The following EPHA6 variants were observed in gnomAD, a reference collection of about 807,000 sequenced individuals.
EPHA6 encodes the protein ephrin type-A receptor 6.
EPHA6 carries 50 observed loss-of-function variants against 112.0 expected under a neutral mutation model. The ratio of observed to expected loss-of-function variants is 0.45; its 90% CI spans 0.36 to 0.56. The LOEUF is 0.56. EPHA6 is among the 20% of genes least tolerant of loss of function. EPHA6 has a pLI of 0.00. For synonymous variants in EPHA6, 529 were observed against 490.7 expected, an observed-to-expected ratio of 1.08 and a Z score of -1.03; for missense variants, 1,280 against 1,417.4, an observed-to-expected ratio of 0.90 and a Z score of 1.56.
At chr3:97,440,999 A>C (rs570053607) in intron 6 of EPHA6, among the ~76,000 whole-genome samples, 1 of 152,162 alleles carries the variant, frequency 6.6e-6, no homozygotes, top group African/African-American at 2.4e-5. Context: ...TTTAAATGAT[A>C]GTCAAGTGTG....
chr3:97,144,076 T>C (rs2075978027), intron 3 of EPHA6, among the ~76,000 whole-genome samples: 1 of 151,706 alleles, frequency 6.6e-6, no homozygotes, highest in East Asian at 1.9e-4. Flanking sequence ...TTATCAAGCA[T>C]TTGTGTATAA....
At chr3:97,149,219 C>T (rs1051067814) in intron 3 of EPHA6, among the ~76,000 whole-genome samples, 1 of 152,064 alleles carries the variant, frequency 6.6e-6, no homozygotes, top group Non-Finnish European at 1.5e-5. Flanking sequence ...TATTTTCATG[C>T]AGATACCTAG....
intron 2 of EPHA6, among the ~76,000 whole-genome samples, chr3:96,902,012 A>G (rs1229784796): frequency 6.6e-6 from 1 of 152,190 alleles, no homozygotes; most frequent in African/African-American, 2.4e-5. Context: ...GGCTTACTAC[A>G]GAGGATGGGG....
At position 96,935,693 on chromosome 3, in the gene EPHA6, A is replaced by G. The variant is rs537412686; in HGVS notation, c.451-51637A>G. ...TGCCTTAAACATTATATATACACAC[A>G]TTATGTATATTATATATACATTATA... On this transcript the variant is annotated intron_variant, in intron 2 of 17. Coordinates refer to ENST00000389672, the MANE Select transcript of EPHA6 (RefSeq NM_001080448.3). Among the ~76,000 whole-genome samples the G allele has an allele frequency of 9.3e-4, 137 of 147,836 alleles. 1 individual carries two copies. The highest frequency in any genetic ancestry group is 2.8e-3 in the African/African-American group (115 of 40,716).
chr3:97,383,721 G>A (rs1292443040), intron 5 of EPHA6, among the ~76,000 whole-genome samples: 1 of 152,080 alleles, frequency 6.6e-6, no homozygotes, highest in African/African-American at 2.4e-5. Context: ...AAGGAAATGT[G>A]CGCAGTATAT....
At chr3:97,012,607 G>GTGTGTA (rs368002096) in intron 3 of EPHA6, among the ~76,000 whole-genome samples, 1,617 of 132,048 alleles carry the variant, frequency 0.012, 20 homozygotes, top group Middle Eastern at 0.027. Flanking sequence ...GTGTGTGTGT[G>GTGTGTA]TATATATATA....
intron 7 of EPHA6, among the ~76,000 whole-genome samples, chr3:97,457,798 G>A (rs182012457): frequency 1.7e-3 from 257 of 152,106 alleles, no homozygotes; most frequent in African/African-American, 5.9e-3. Context: ...CGGGCGCGGT[G>A]GCTCATGCCT....
chr3:97,291,058 G>T (rs2080664058), intron 5 of EPHA6, among the ~76,000 whole-genome samples: 1 of 151,844 alleles, frequency 6.6e-6, no homozygotes, highest in Non-Finnish European at 1.5e-5. Context: ...TGCTTTGGCT[G>T]GCATGTTGTG....
At chr3:97,183,509 T>G (rs1338552034) in intron 3 of EPHA6, among the ~76,000 whole-genome samples, 1 of 152,168 alleles carries the variant, frequency 6.6e-6, no homozygotes, top group African/African-American at 2.4e-5. Context: ...CTATACATTT[T>G]GAAAGTAAAG....
chr3:97,356,336 A>G (rs2084077181), intron 5 of EPHA6, among the ~76,000 whole-genome samples: 1 of 152,200 alleles, frequency 6.6e-6, no homozygotes, highest in Non-Finnish European at 1.5e-5. Context: ...TTACAATGCA[A>G]TATTAATAGA....
At position 96,841,491 on chromosome 3, in the gene EPHA6, T is replaced by C. The variant is rs185137393; in HGVS notation, c.386-25334T>C. Among the ~76,000 whole-genome samples, 1,110 of 152,188 alleles carry C rather than the reference T, an allele frequency of 7.3e-3. 22 individuals are homozygous for C. The highest frequency in any genetic ancestry group is 0.01 in the Middle Eastern group (3 of 294). On this transcript the variant is annotated intron_variant, in intron 1 of 17. Coordinates refer to ENST00000389672, the MANE Select transcript of EPHA6 (RefSeq NM_001080448.3). ...CCGGCTTTGTGGTTGGGAAAGGCCA[T>C]GTGACTAGTTTGTCCAATGAATGTA... is the stretch of plus-strand genomic sequence containing the variant.
intron 9 of EPHA6, chr3:97,481,650 G>A: frequency 4.7e-6 from 2 of 425,886 alleles, no homozygotes; most frequent in Non-Finnish European, 8.8e-6. Flanking sequence ...GAGACGCCCC[G>A]CCCCCTGCCT....
intron 3 of EPHA6, among the ~76,000 whole-genome samples, chr3:97,186,632 C>T (rs1210449736): frequency 1.3e-5 from 2 of 152,120 alleles, no homozygotes; most frequent in South Asian, 2.1e-4. Context: ...AGTTTGTCAA[C>T]CTTTGCTACT....
intron 2 of EPHA6, among the ~76,000 whole-genome samples, chr3:96,873,094 C>T (rs144012222): frequency 1.8e-4 from 28 of 151,986 alleles, no homozygotes; most frequent in East Asian, 1.7e-3. Context: ...ATGGTGAAAC[C>T]CCGTCTTCAC....
In EPHA6 at chr3:97,506,489, C is replaced by A. The variant is rs1197605561; in HGVS notation, c.2200+22430C>A. On this transcript the variant is annotated intron_variant, in intron 10 of 17. Transcript: ENST00000389672. ...GTAAGGCTTGTCAAAGAACAGATGG[C>A]TGAGATTGGTGGAGTTAGTTCTGAG... 2.6e-5 allele frequency among the ~76,000 whole-genome samples: 4 copies of A among 152,042 alleles called. No individual in the cohort carries two copies. In the East Asian group the frequency reaches 5.8e-4, roughly 22 times the overall value.
At chr3:97,250,299 A>G (rs548517256) in intron 5 of EPHA6, among the ~76,000 whole-genome samples, 2 of 152,260 alleles carry the variant, frequency 1.3e-5, no homozygotes, top group South Asian at 2.1e-4. Flanking sequence ...TTTAATAGCA[A>G]TTTTTCTCCG....
chr3:97,254,380 G>T (rs1386718701), intron 5 of EPHA6, among the ~76,000 whole-genome samples: 2 of 152,014 alleles, frequency 1.3e-5, no homozygotes, highest in East Asian at 3.9e-4. Flanking sequence ...AATAGAGACG[G>T]GGTTTCACCA....
chr3:97,002,765 C>G (rs760295701), intron 3 of EPHA6, among the ~76,000 whole-genome samples: 4 of 151,826 alleles, frequency 2.6e-5, no homozygotes, highest in Non-Finnish European at 4.4e-5. Context: ...AAACGGTGCT[C>G]ATTTTTGTAT....
At chr3:97,648,323 C>A (rs1278986414) in intron 14 of EPHA6, 1 of 1,471,652 alleles carries the variant, frequency 6.8e-7, no homozygotes, top group East Asian at 2.3e-5. Context: ...CTCTGCTATT[C>A]TGCATAAATT....
Sources: allele counts gnomAD v4.1 joint callset (sites outside exome capture counted in the v4.1 genomes callset), GRCh38; gene constraint gnomAD v4.1.1; transcripts MANE v1.5; gene names NCBI Gene and HGNC (gene_info 2026-07-23, HGNC 2026-07-21).